Variants in MACF1 observed in about 807,000 individuals in gnomAD.
MACF1 encodes the protein microtubule actin crosslinking factor 1.
In MACF1, 193 loss-of-function variants were observed where a neutral mutation model predicts 854.8. The ratio of observed to expected loss-of-function variants is 0.23; its 90% CI spans 0.20 to 0.25. MACF1 has a LOEUF of 0.25. MACF1 is among the 10% of genes least tolerant of loss of function. The pLI is 1.00. For synonymous variants in MACF1, 3,185 were observed against 3,226.7 expected, an observed-to-expected ratio of 0.99 and a Z score of 0.44; for missense variants, 7,722 against 8,929.1, an observed-to-expected ratio of 0.86 and a Z score of 5.45.
intron 53 of MACF1, 116 bp downstream of exon 53, chr1:39,378,639 G>A: frequency 9.7e-7 from 1 of 1,034,908 alleles, no homozygotes; most frequent in Non-Finnish European, 1.4e-6. Flanking sequence ...ATGGGTGTGA[G>A]GATAAAAATC....
chr1:39,095,646 C>T (rs780648614), intron 2 of MACF1, among the ~76,000 whole-genome samples: 8 of 150,910 alleles, frequency 5.3e-5, no homozygotes, highest in Non-Finnish European at 1.2e-4. Flanking sequence ...TTTGGGAGGC[C>T]GAGGAAGGTG....
intron 2 of MACF1, among the ~76,000 whole-genome samples, chr1:39,161,467 G>A (rs1643796969): frequency 6.6e-6 from 1 of 152,184 alleles, no homozygotes; most frequent in Non-Finnish European, 1.5e-5. Flanking sequence ...GCTTTGGGAA[G>A]CTGAGGCAGG....
rs760423036 is a variant in MACF1, at chr1:39,333,317, T to C, written c.6729T>C (p.Ser2243=). The C allele has an allele frequency of 6.2e-7, 1 of 1,613,954 alleles. No homozygotes were observed. The highest frequency in any genetic ancestry group is 8.5e-7 in the Non-Finnish European group (1 of 1,179,998). Residue 2243 remains serine (S), a synonymous_variant, in exon 37 of 101, where the codon AGT becomes AGC. Transcript: ENST00000564288. Reference sequence around the variant, plus strand: ...TGGCTAAGGATGACCATAAAGAAAGTCAAGAAGCACAGAACATCGCAGGTG... The same window carrying C: ...TGGCTAAGGATGACCATAAAGAAAGCCAAGAAGCACAGAACATCGCAGGTG... ...TFLAKDDHKE[S]QEAQNIAGGS...
At chr1:39,461,744 A>T (rs573852005) in intron 92 of MACF1, 139 bp from the exon 93 acceptor site, 1 of 554,472 alleles carries the variant, frequency 1.8e-6, no homozygotes, top group Admixed American at 3.3e-5. Flanking sequence ...GTGAGCCGAG[A>T]TTGCACCACT....
chr1:39,413,995 C>CCAG (rs755032342), intron 58 of MACF1: 1 of 1,608,078 alleles, frequency 6.2e-7, no homozygotes, highest in African/African-American at 1.3e-5. Flanking sequence ...GCCCACCTCC[C>CCAG]CAGCAGCAGC....
chr1:39,229,888 G>A (rs897138975), intron 1 of MACF1, among the ~76,000 whole-genome samples: 6 of 152,094 alleles, frequency 3.9e-5, no homozygotes, highest in Non-Finnish European at 5.9e-5. Flanking sequence ...AGGACTACAG[G>A]TGCACACCAC....
At chr1:39,171,305 T>G (rs1000191489) in intron 2 of MACF1, among the ~76,000 whole-genome samples, 1 of 151,970 alleles carries the variant, frequency 6.6e-6, no homozygotes, top group Non-Finnish European at 1.5e-5. Context: ...TCATTGTAAG[T>G]ACTTTAAAGT....
intron 5 of MACF1, 200 bp downstream of exon 5, chr1:39,254,575 C>A: frequency 3.9e-6 from 2 of 507,192 alleles, no homozygotes; most frequent in African/African-American, 3.9e-5. Flanking sequence ...TTGTGACCTC[C>A]TTGAGAGGAA....
At chr1:39,132,362 CT>C (rs11315708) in intron 2 of MACF1, among the ~76,000 whole-genome samples, 134,726 of 152,116 alleles carry the variant, frequency 0.89, 60,873 homozygotes, top group East Asian at 0.99. Context: ...GCAAGCATTA[CT>C]TTTTTGGCTC....
At chr1:39,186,881 A>G (rs1448412200) in intron 2 of MACF1, among the ~76,000 whole-genome samples, 1 of 151,480 alleles carries the variant, frequency 6.6e-6, no homozygotes, top group Non-Finnish European at 1.5e-5. Flanking sequence ...GAGTGCTGGG[A>G]TTGCAGGTGT....
chr1:39,257,802 A>G (rs1255087839), intron 5 of MACF1, 134 bp from the exon 6 acceptor site: 2 of 650,638 alleles, frequency 3.1e-6, no homozygotes, highest in African/African-American at 1.8e-5. Flanking sequence ...GAATCTATAC[A>G]TGTGTTAAAA....
intron 2 of MACF1, among the ~76,000 whole-genome samples, chr1:39,096,214 T>G (rs528071755): frequency 1.3e-5 from 2 of 149,262 alleles, no homozygotes; most frequent in South Asian, 2.1e-4. Context: ...GCAGGAAAGA[T>G]TGAGTCTTGC....
intron 22 of MACF1, among the ~76,000 whole-genome samples, chr1:39,301,105 C>G (rs1204549548): frequency 6.6e-6 from 1 of 152,092 alleles, no homozygotes; most frequent in Non-Finnish European, 1.5e-5. Flanking sequence ...CCAGCATGTT[C>G]TTTTTTTAAT....
At chr1:39,230,665 G>A (rs1408065740) in intron 1 of MACF1, among the ~76,000 whole-genome samples, 1 of 152,148 alleles carries the variant, frequency 6.6e-6, no homozygotes, top group African/African-American at 2.4e-5. Flanking sequence ...TGCAGTGGGG[G>A]TAAGCTGGGC....
chr1:39,137,560 C>T (rs570959481), intron 2 of MACF1, among the ~76,000 whole-genome samples: 16 of 152,062 alleles, frequency 1.1e-4, no homozygotes, highest in Non-Finnish European at 2.2e-4. Context: ...AAGACGAAGT[C>T]TCATTTTATT....
intron 93 of MACF1, among the ~76,000 whole-genome samples, chr1:39,462,513 T>C (rs1402082928): frequency 1.3e-5 from 2 of 149,534 alleles, no homozygotes; most frequent in Non-Finnish European, 3.0e-5. Context: ...GAGACCAGCC[T>C]GGGCAACATA....
chr1:39,100,646 G>A (rs938375899), intron 2 of MACF1, among the ~76,000 whole-genome samples: 1 of 152,024 alleles, frequency 6.6e-6, no homozygotes, highest in African/African-American at 2.4e-5. Flanking sequence ...CTGAGGTCAG[G>A]AGTTTGAGAC....
At chr1:39,480,725 A>G (rs1644997813) in intron 98 of MACF1, among the ~76,000 whole-genome samples, 195 bp from the exon 99 acceptor site, 1 of 152,224 alleles carries the variant, frequency 6.6e-6, no homozygotes, top group African/African-American at 2.4e-5. Context: ...GTTTGATGTT[A>G]TGATGGGTTA....
rs1041055382 is a variant in MACF1 at position 39,409,005 on chromosome 1, G to A, written c.15817-13369G>A. Among the ~76,000 whole-genome samples, 4 of 151,932 alleles carry A rather than the reference G, an allele frequency of 2.6e-5. No individual in the cohort carries two copies. In the South Asian group the frequency reaches 6.2e-4, roughly 24 times the overall value. On this transcript the variant is annotated intron_variant, in intron 58 of 100. Coordinates refer to ENST00000564288, the MANE Select transcript of MACF1 (RefSeq NM_001394062.1). This position sits in a 1 kb window ranked among gnomAD's most constrained non-coding sequence, Gnocchi z 4.2. ...GCGTCGCGCGCTCCCTGGCTTCCAG[G>A]GGGCTGCCCGGGCGGGGCGGCGCAG...
Sources: gnomAD v4.1 joint callset for allele counts (sites outside exome capture counted in the v4.1 genomes callset) on GRCh38, gnomAD v4.1.1 for gene constraint, Gnocchi (gnomAD v3.1) non-coding constraint, MANE v1.5 for transcripts, NCBI Gene and HGNC (gene_info 2026-07-23, HGNC 2026-07-21) for gene names.